Variants in MCMDC2 observed in about 807,000 individuals in gnomAD.
MCMDC2 encodes the protein minichromosome maintenance domain-containing protein 2.
Under a neutral mutation model 75.8 loss-of-function variants are expected in MCMDC2, and 54 were observed. The ratio of observed to expected loss-of-function variants is 0.71; its 90% CI spans 0.57 to 0.89. The LOEUF (loss-of-function observed/expected upper bound fraction) is 0.89, where lower values mean the gene tolerates loss of function less well. Among genes scored for constraint, MCMDC2 ranks in the 40% least tolerant of loss-of-function variants. The pLI is 0.00. For synonymous variants in MCMDC2, 249 were observed against 274.6 expected (o/e 0.91, Z 0.92); for missense variants, 656 against 780.4 (o/e 0.84, Z 1.90).
chr8:66,900,373 G>A (rs770313975), intron 12 of MCMDC2, among the ~76,000 whole-genome samples: 3 of 152,122 alleles, frequency 2.0e-5, no homozygotes, highest in Non-Finnish European at 4.4e-5. Flanking sequence ...CAGAGGCTGA[G>A]GTTGCAGTGA....
At chr8:66,924,125 T>C (rs572056033), downstream of MCMDC2, among the ~76,000 whole-genome samples, 39 of 152,228 alleles carry the variant, frequency 2.6e-4, no homozygotes, top group Non-Finnish European at 5.0e-4. Context: ...ATTATTTAGT[T>C]TGAAAATTTT....
At chr8:66,881,706 G>A (rs1563370778) in intron 8 of MCMDC2, among the ~76,000 whole-genome samples, 1 of 151,972 alleles carries the variant, frequency 6.6e-6, no homozygotes, top group Non-Finnish European at 1.5e-5. Context: ...AAAATAAAAA[G>A]CGTCCTTTTC....
intron 14 of MCMDC2, among the ~76,000 whole-genome samples, chr8:66,913,265 G>A (rs1433551871): frequency 6.6e-6 from 1 of 152,162 alleles, no homozygotes; most frequent in Admixed American, 6.5e-5. Context: ...TGCACACTTA[G>A]ACTACAATAT....
intron 14 of MCMDC2, among the ~76,000 whole-genome samples, chr8:66,917,694 A>G (rs1813375784): frequency 6.6e-6 from 1 of 152,210 alleles, no homozygotes; most frequent in African/African-American, 2.4e-5. Context: ...TTCACTTAGC[A>G]TAATGTTCTC....
intron 10 of MCMDC2, among the ~76,000 whole-genome samples, chr8:66,895,844 C>T (rs991177282): frequency 2.6e-5 from 4 of 152,098 alleles, no homozygotes; most frequent in Admixed American, 1.3e-4. Context: ...CATAAAAGAA[C>T]AGGATTTAAT....
Position 66,919,196 on chromosome 8 carries a change from C to G in MCMDC2, c.*27C>G. The G allele has an allele frequency of 2.0e-6, 3 of 1,519,446 alleles. No homozygotes were observed. The highest frequency in any genetic ancestry group is 1.8e-6 in the Non-Finnish European group (2 of 1,131,706). The allele number at this position is 1,519,446 out of a possible 1,614,324, so 94.1% of individuals were successfully genotyped here. A position where few individuals can be genotyped will look rare whatever the true frequency, so the allele number is the denominator to read the frequency against. On this transcript the variant is annotated 3_prime_UTR_variant, in exon 15 of 15. Transcript: ENST00000422365. ...CAATTTGAGGAATTTTTGTTCATTC[C>G]TACTTAAGCAGTGGAGAAAAAGTGT...
chr8:66,919,210 G>T lies in MCMDC2; in HGVS notation c.*41G>T. 2 of 1,469,928 alleles carry T rather than the reference G, an allele frequency of 1.4e-6. No homozygotes were observed. The highest frequency in any genetic ancestry group is 1.8e-6 in the Non-Finnish European group (2 of 1,094,270). 91.1% of individuals were successfully genotyped at this position (1,469,928 alleles called of 1,614,324 possible). Reference sequence around the variant, plus strand: ...TTTGTTCATTCCTACTTAAGCAGTGGAGAAAAAGTGTGACTATTTTGAGAG... The same window carrying T: ...TTTGTTCATTCCTACTTAAGCAGTGTAGAAAAAGTGTGACTATTTTGAGAG... On this transcript the variant is annotated 3_prime_UTR_variant, in exon 15 of 15. Coordinates refer to ENST00000422365, the MANE Select transcript of MCMDC2 (RefSeq NM_173518.5).
At chr8:66,876,314 A>G (rs1267103391) in intron 4 of MCMDC2, among the ~76,000 whole-genome samples, 1 of 152,196 alleles carries the variant, frequency 6.6e-6, no homozygotes, top group East Asian at 1.9e-4. Flanking sequence ...AGGCAGGGTA[A>G]ATGTTTGATT....
chr8:66,923,687 AGG>A (rs1054424631), downstream of MCMDC2, among the ~76,000 whole-genome samples: 15 of 152,086 alleles, frequency 9.9e-5, no homozygotes, highest in Non-Finnish European at 1.0e-4. Flanking sequence ...ACCTGAGGTC[AGG>A]AGTTCTAGAC....
intron 1 of MCMDC2, among the ~76,000 whole-genome samples, chr8:66,873,266 T>G (rs574570280): frequency 6.6e-6 from 1 of 152,220 alleles, no homozygotes; most frequent in Non-Finnish European, 1.5e-5. Flanking sequence ...TTTAATCATC[T>G]GATACAACAC....
At chr8:66,902,609 A>G (rs1812716277) in intron 13 of MCMDC2, among the ~76,000 whole-genome samples, 1 of 146,318 alleles carries the variant, frequency 6.8e-6, no homozygotes, top group Admixed American at 6.9e-5. Context: ...CAGGAGAATC[A>G]CTTGAACCCC....
chr8:66,880,707 T>C (rs1034689719), intron 7 of MCMDC2, 142 bp from the exon 8 acceptor site: 33 of 790,740 alleles, frequency 4.2e-5, no homozygotes, highest in Admixed American at 1.7e-4. Context: ...TGTCACTCTA[T>C]ATGGATATTA....
rs753491833 is a variant in MCMDC2 at position 66,890,956 on chromosome 8, G to A, written c.1165G>A (p.Gly389Arg). ...TCCCACTCTATCCAGGAATAAGTATGGAACTGGAGCAGTTAGCATTCAGGC... is the reference window on the plus strand; with the variant it reads ...TCCCACTCTATCCAGGAATAAGTATAGAACTGGAGCAGTTAGCATTCAGGC... ...IFPTLSRNKYGTGAVSIQAGS... is the reference protein window; with the variant it reads ...IFPTLSRNKYRTGAVSIQAGS... The change falls in exon 10 of 15, where the codon GGA becomes AGA. Residue 389 changes from glycine (G) to arginine (R), a missense_variant. Gly to Arg is a moderately radical substitution (Grantham distance 125, BLOSUM62 -2). Transcript: ENST00000422365. The A allele has an allele frequency of 1.2e-6, 2 of 1,613,644 alleles. No homozygotes were observed. The highest frequency in any genetic ancestry group is 2.2e-5 in the South Asian group (2 of 90,902).
At chr8:66,926,261 AT>A (rs1813710814), downstream of MCMDC2, 2 of 152,258 alleles carry the variant, frequency 1.3e-5, no homozygotes, top group South Asian at 4.1e-4. Flanking sequence ...TGTTTTTCTC[AT>A]TGTATTATAG....
intron 9 of MCMDC2, chr8:66,884,229 A>C: frequency 1.9e-6 from 1 of 535,018 alleles, no homozygotes; most frequent in Non-Finnish European, 3.3e-6. Context: ...AAATAAATAC[A>C]TCCTTCCCAG....
intron 14 of MCMDC2, among the ~76,000 whole-genome samples, chr8:66,906,355 G>A (rs186499675): frequency 1.3e-5 from 2 of 152,194 alleles, no homozygotes; most frequent in East Asian, 3.9e-4. Flanking sequence ...CATTTATATT[G>A]TAATACCTGT....
intron 10 of MCMDC2, among the ~76,000 whole-genome samples, chr8:66,893,565 T>G (rs1812210656): frequency 6.6e-6 from 1 of 152,178 alleles, no homozygotes; most frequent in Non-Finnish European, 1.5e-5. Flanking sequence ...CTCCCCGTTT[T>G]AAAACTATTA....
chr8:66,872,435 C>G (rs1456080468), intron 1 of MCMDC2, among the ~76,000 whole-genome samples: 1 of 152,178 alleles, frequency 6.6e-6, no homozygotes, highest in East Asian at 1.9e-4. Context: ...GACCCATATA[C>G]AAGGATGACC....
chr8:66,900,257 T>G lies in MCMDC2; in HGVS notation c.1627-949T>G, dbSNP rs1457340674. Among the ~76,000 whole-genome samples, 3 of 151,802 alleles carry G rather than the reference T, an allele frequency of 2.0e-5. No individual in the cohort carries two copies. The East Asian group carries it at 5.8e-4, about 29-fold the overall frequency. On this transcript the variant is annotated intron_variant, in intron 12 of 14. Transcript: ENST00000422365. ...TTTGAGACCAGCCTGGCCAACATAGTGAAACCCCATCTCTACCAAAAATAC... is the reference window on the plus strand; with the variant it reads ...TTTGAGACCAGCCTGGCCAACATAGGGAAACCCCATCTCTACCAAAAATAC...
Sources: allele counts gnomAD v4.1 joint callset (sites outside exome capture counted in the v4.1 genomes callset), GRCh38; gene constraint gnomAD v4.1.1; transcripts MANE v1.5; gene names NCBI Gene and HGNC (gene_info 2026-07-23, HGNC 2026-07-21).